The following TRAF3 variants were observed in gnomAD, a reference collection of about 807,000 sequenced individuals.
TRAF3 encodes the protein TNF receptor associated factor 3, also known as TNF receptor-associated factor 3.
Under a neutral mutation model 62.3 loss-of-function variants are expected in TRAF3, and 13 were observed. The observed-to-expected ratio is 0.21, with a 90% CI of 0.14 to 0.33. TRAF3 has a LOEUF of 0.33. Among genes scored for constraint, TRAF3 ranks in the 10% least tolerant of loss-of-function variants. The pLI is 1.00. For synonymous variants in TRAF3, 269 were observed against 283.4 expected, an observed-to-expected ratio of 0.95 and a Z score of 0.51; for missense variants, 440 against 741.8, an observed-to-expected ratio of 0.59 and a Z score of 4.73.
At position 102,876,520 on chromosome 14, in the gene TRAF3, C is replaced by T. The variant is rs1466838253; in HGVS notation, c.565C>T (p.Leu189=). ...HCKSQVPMIA[L]QKHEDTDCPC... ...CAAGAGTCAGGTTCCGATGATCGCGCTGCAGGTGCGGGTCCTCCCATTCCA... is the reference window on the plus strand; with the variant it reads ...CAAGAGTCAGGTTCCGATGATCGCGTTGCAGGTGCGGGTCCTCCCATTCCA... Residue 189 remains leucine, a synonymous_variant, in exon 6 of 12, where the codon CTG becomes TTG. Transcript: ENST00000392745. 6.2e-7 allele frequency: 1 copy of T among 1,613,478 alleles called. No individual in the cohort carries two copies. The highest frequency in any genetic ancestry group is 2.2e-5 in the East Asian group (1 of 44,882).
At chr14:102,848,555 A>G (rs1566773258) in intron 2 of TRAF3, among the ~76,000 whole-genome samples, 2 of 152,264 alleles carry the variant, frequency 1.3e-5, no homozygotes, top group Non-Finnish European at 2.9e-5. Flanking sequence ...GTGTCAAGAA[A>G]ACTGCTGTTT....
rs751812791 is a variant in TRAF3 at position 102,877,107 on chromosome 14, A to T, written c.570+582A>T. ...CAGACCTTGTGCTCGATTCATAGAT[A>T]ATCTGTTCCACAGGCCTTCCCTCAA... On this transcript the variant is annotated intron_variant, in intron 6 of 11. Transcript: ENST00000392745. 2.0e-5 allele frequency among the ~76,000 whole-genome samples: 3 copies of T among 149,766 alleles called. No homozygotes were observed. The South Asian group carries it at 6.3e-4, about 31-fold the overall frequency.
chr14:102,854,276 A>C (rs536710220), intron 2 of TRAF3, among the ~76,000 whole-genome samples: 1 of 152,046 alleles, frequency 6.6e-6, no homozygotes, highest in South Asian at 2.1e-4. Context: ...GCGTGAACAG[A>C]CTGGTTCTCT....
intron 1 of TRAF3, among the ~76,000 whole-genome samples, chr14:102,828,165 AT>A (rs1199659868): frequency 6.6e-6 from 1 of 152,242 alleles, no homozygotes; most frequent in African/African-American, 2.4e-5. Flanking sequence ...TGTTCACAGC[AT>A]TTTTTAAAGA....
intron 1 of TRAF3, among the ~76,000 whole-genome samples, chr14:102,804,604 C>T (rs1017834574): frequency 3.9e-5 from 6 of 152,204 alleles, no homozygotes; most frequent in African/African-American, 1.2e-4. Context: ...CCTCCCACCT[C>T]AGCCTCCCAA....
chr14:102,837,861 C>T (rs1886123561), intron 2 of TRAF3, among the ~76,000 whole-genome samples: 1 of 152,134 alleles, frequency 6.6e-6, no homozygotes, highest in Admixed American at 6.6e-5. Flanking sequence ...TGACTTTGGG[C>T]AAGTTGTTTG....
At chr14:102,813,755 G>T (rs1899344961) in intron 1 of TRAF3, among the ~76,000 whole-genome samples, 1 of 151,812 alleles carries the variant, frequency 6.6e-6, no homozygotes, top group African/African-American at 2.4e-5. Context: ...TGGCCAATTT[G>T]CCCATTTTTT....
intron 10 of TRAF3, among the ~76,000 whole-genome samples, chr14:102,897,639 C>G (rs1890070521): frequency 6.6e-6 from 1 of 152,212 alleles, no homozygotes; most frequent in South Asian, 2.1e-4. Flanking sequence ...CAAGCCTCCA[C>G]CCCTCTTCCA....
At chr14:102,792,316 A>C (rs1418298745) in intron 1 of TRAF3, among the ~76,000 whole-genome samples, 3 of 151,178 alleles carry the variant, frequency 2.0e-5, no homozygotes, top group African/African-American at 7.3e-5. Context: ...TTGTGGAGAC[A>C]GGGTCTTGCT....
At chr14:102,886,019 C>T (rs1889361109) in intron 6 of TRAF3, among the ~76,000 whole-genome samples, 170 bp from the exon 7 acceptor site, 1 of 152,212 alleles carries the variant, frequency 6.6e-6, no homozygotes, top group Non-Finnish European at 1.5e-5. Flanking sequence ...CATCCTGAGA[C>T]ACTCACACTC....
chr14:102,887,096 T>C, intron 7 of TRAF3, among the ~76,000 whole-genome samples: 1 of 152,236 alleles, frequency 6.6e-6, no homozygotes, highest in Non-Finnish European at 1.5e-5. Context: ...TTGCATTGAC[T>C]TCACTTGATC....
intron 6 of TRAF3, among the ~76,000 whole-genome samples, chr14:102,878,421 G>A (rs565460545): frequency 6.6e-6 from 1 of 150,922 alleles, no homozygotes; most frequent in East Asian, 1.9e-4. Context: ...TGTGAATGTG[G>A]GTGTGTGTGT....
chr14:102,893,244 C>T (rs1007711543), intron 9 of TRAF3, among the ~76,000 whole-genome samples: 5 of 151,634 alleles, frequency 3.3e-5, no homozygotes, highest in Admixed American at 6.6e-5. Context: ...ACAAAAATTA[C>T]GCCAGCATAG....
chr14:102,814,735 C>T (rs570481669), intron 1 of TRAF3, among the ~76,000 whole-genome samples: 1 of 152,196 alleles, frequency 6.6e-6, no homozygotes, highest in African/African-American at 2.4e-5. Context: ...GTTGCCCAGG[C>T]TGGTCTCGAG....
intron 1 of TRAF3, among the ~76,000 whole-genome samples, chr14:102,779,662 G>A (rs1208450145): frequency 2.0e-5 from 3 of 152,182 alleles, no homozygotes; most frequent in African/African-American, 7.2e-5. Context: ...GGTTAGGTGA[G>A]AATGATTGAT....
rs201347691 is a variant in TRAF3, at chr14:102,870,479, C to G, written c.245+33C>G. ...CCCTCGCCCGGCCCGTCGCCCGGCC[C>G]CTTCTCAGCCCTCGGCCTCACCCTC... On this transcript the variant is annotated intron_variant, in intron 3 of 11. Transcript: ENST00000392745. 6 of 1,609,524 alleles carry G rather than the reference C, an allele frequency of 3.7e-6. No individual in the cohort carries two copies. In the African/African-American group the frequency reaches 6.7e-5, roughly 18 times the overall value.
intron 10 of TRAF3, among the ~76,000 whole-genome samples, chr14:102,898,876 G>T (rs2139981287): frequency 6.6e-6 from 1 of 152,344 alleles, no homozygotes; most frequent in East Asian, 1.9e-4. Flanking sequence ...CAGAAAGAAA[G>T]GGGGAAGCCA....
intron 1 of TRAF3, among the ~76,000 whole-genome samples, chr14:102,829,851 C>T (rs1031262236): frequency 3.9e-5 from 6 of 152,072 alleles, no homozygotes; most frequent in African/African-American, 9.7e-5. Context: ...TAGCATAGGC[C>T]GGGGATGGTG....
Position 102,910,791 on chromosome 14 carries a change from G to C in TRAF3, c.*5007G>C, listed in dbSNP as rs1890828706. On this transcript the variant is annotated 3_prime_UTR_variant, in exon 12 of 12. Transcript: ENST00000392745. ...CTTGTGAACTCTCACCGTGAAAAGA[G>C]GCTAGAAGTCCAGGATCGCTGTACC... 6.6e-6 allele frequency: 1 copy of C among 152,256 alleles called. No individual in the cohort carries two copies. The highest frequency in any genetic ancestry group is 1.5e-5 in the Non-Finnish European group (1 of 68,064). 9.4% of individuals were successfully genotyped at this position (152,256 alleles called of 1,614,324 possible).
Sources: allele counts gnomAD v4.1 joint callset (sites outside exome capture counted in the v4.1 genomes callset), GRCh38; gene constraint gnomAD v4.1.1; transcripts MANE v1.5; gene names NCBI Gene and HGNC (gene_info 2026-07-23, HGNC 2026-07-21).